Variants in CCDC181 observed in about 807,000 individuals in gnomAD.
CCDC181 encodes the protein coiled-coil domain-containing protein 181.
In CCDC181, 35 loss-of-function variants were observed where a neutral mutation model predicts 58.7. That is an observed-to-expected ratio of 0.60 (90% confidence interval 0.46 to 0.79). The LOEUF is 0.79. CCDC181 is among the 30% of genes least tolerant of loss of function. The pLI, the probability that CCDC181 is intolerant of heterozygous loss-of-function variation, is 0.00. For missense variants in CCDC181, 517 were observed against 583.9 expected (o/e 0.89, Z 1.18); for synonymous variants, 183 against 197.5 (o/e 0.93, Z 0.62).
At chr1:169,399,165 T>G (rs1655209062) in intron 4 of CCDC181, among the ~76,000 whole-genome samples, 1 of 152,144 alleles carries the variant, frequency 6.6e-6, no homozygotes, top group Non-Finnish European at 1.5e-5. Flanking sequence ...GTGACACAGT[T>G]TATTCACCAT....
intron 2 of CCDC181, among the ~76,000 whole-genome samples, chr1:169,439,355 G>A (rs1657145523): frequency 6.6e-6 from 1 of 152,132 alleles, no homozygotes; most frequent in Non-Finnish European, 1.5e-5. Flanking sequence ...CCTGTGATAG[G>A]GCTACTGTTA....
chr1:169,427,995 A>G (rs908472128), upstream of CCDC181, among the ~76,000 whole-genome samples: 1 of 152,212 alleles, frequency 6.6e-6, no homozygotes, highest in Non-Finnish European at 1.5e-5. Context: ...AGTTGAGATG[A>G]TTTTAACAAC....
chr1:169,415,504 C>T (rs1265723853), intron 4 of CCDC181, among the ~76,000 whole-genome samples: 1 of 152,162 alleles, frequency 6.6e-6, no homozygotes, highest in Non-Finnish European at 1.5e-5. Context: ...AATTCTGATT[C>T]TCCCCCAAGC....
intron 4 of CCDC181, among the ~76,000 whole-genome samples, chr1:169,413,050 T>C (rs1175398383): frequency 2.0e-5 from 3 of 152,216 alleles, no homozygotes; most frequent in Admixed American, 6.5e-5. Context: ...AAAGAGCTTC[T>C]GCACAGCAAA....
chr1:169,435,246 T>C (rs1317744783), intron 2 of CCDC181, among the ~76,000 whole-genome samples: 1 of 152,100 alleles, frequency 6.6e-6, no homozygotes, highest in Non-Finnish European at 1.5e-5. Flanking sequence ...ATTGTATAAT[T>C]CCATTAATAT....
At chr1:169,457,267 G>T (rs994866588) in intron 2 of CCDC181, among the ~76,000 whole-genome samples, 1 of 152,020 alleles carries the variant, frequency 6.6e-6, no homozygotes, top group Non-Finnish European at 1.5e-5. Flanking sequence ...TGTATCTGTG[G>T]ATTCATGTTT....
At chr1:169,441,721 C>T (rs559744935) in intron 2 of CCDC181, among the ~76,000 whole-genome samples, 2 of 151,764 alleles carry the variant, frequency 1.3e-5, no homozygotes, top group East Asian at 3.9e-4. Context: ...GCTTTTTAAA[C>T]TCTGACGATA....
intron 1 of CCDC181, among the ~76,000 whole-genome samples, chr1:169,425,406 TC>T (rs1416508334): frequency 1.3e-5 from 2 of 152,150 alleles, no homozygotes; most frequent in African/African-American, 2.4e-5. Flanking sequence ...ATTGTTTTTT[TC>T]TAAACTATTC....
At chr1:169,420,851 G>T (rs1656419901) in intron 3 of CCDC181, among the ~76,000 whole-genome samples, 1 of 152,130 alleles carries the variant, frequency 6.6e-6, no homozygotes, top group South Asian at 2.1e-4. Flanking sequence ...GCATTTTGGA[G>T]ACATTTCGTT....
In CCDC181 at chr1:169,422,197, T is replaced by G. The variant is rs778400483; in HGVS notation, c.234A>C (p.Pro78=). The G allele has an allele frequency of 6.2e-7, 1 of 1,613,848 alleles. No homozygotes were observed. Among genetic ancestry groups the G allele is most frequent in the Non-Finnish European group, 8.5e-7 (1 of 1,179,858 alleles). ...GTACAGAAATGATGTCATTTCTTCT[T>G]GGTGAGACCTCATCCTGCAAAGATT... The part of the protein sequence containing the change: ...PDKSLQDEVS[P]RRNDIISVPG... The change falls in exon 3 of 6, where the codon CCA becomes CCC. Residue 78 remains proline (P), a synonymous_variant. Coordinates refer to ENST00000367806, the MANE Select transcript of CCDC181 (RefSeq NM_001300969.2).
rs534696614 is a variant in CCDC181, at chr1:169,459,662, T to C, written c.-24+135A>G. On this transcript the variant is annotated intron_variant, in intron 2 of 6. Coordinates refer to the CCDC181 transcript ENST00000545005. Reference sequence around the variant, plus strand: ...TAAAAACAGACCTTGAGGCCTATTGTTGGTTACTTGGATAATTTCCCACTA... The same window carrying C: ...TAAAAACAGACCTTGAGGCCTATTGCTGGTTACTTGGATAATTTCCCACTA... 5.3e-5 allele frequency: 8 copies of C among 152,212 alleles called. No homozygotes were observed. In the South Asian group the frequency reaches 1.7e-3, roughly 32 times the overall value. 9.4% of individuals were successfully genotyped at this position (152,212 alleles called of 1,614,324 possible).
intron 4 of CCDC181, among the ~76,000 whole-genome samples, chr1:169,399,015 A>T (rs1655203434): frequency 6.6e-6 from 1 of 152,222 alleles, no homozygotes; most frequent in African/African-American, 2.4e-5. Flanking sequence ...GTCAAAGTGA[A>T]GCTGTAGCAA....
chr1:169,408,322 G>A (rs1297881170), intron 4 of CCDC181, among the ~76,000 whole-genome samples: 2 of 152,186 alleles, frequency 1.3e-5, no homozygotes, highest in Non-Finnish European at 2.9e-5. Flanking sequence ...ACCACATCTC[G>A]GCAAAGCCAG....
chr1:169,455,173 G>A (rs914113552), intron 2 of CCDC181, among the ~76,000 whole-genome samples: 5 of 151,610 alleles, frequency 3.3e-5, no homozygotes, highest in Admixed American at 3.3e-4. Flanking sequence ...TCTATTGACA[G>A]GAAAATGAAT....
intron 2 of CCDC181, among the ~76,000 whole-genome samples, chr1:169,446,742 A>T (rs1243188056): frequency 2.0e-5 from 3 of 152,224 alleles, no homozygotes; most frequent in Non-Finnish European, 4.4e-5. Context: ...AGAAGAATGT[A>T]TGTAGGTTAT....
intron 3 of CCDC181, 48 bp from the exon 4 acceptor site, chr1:169,419,207 T>C: frequency 6.7e-7 from 1 of 1,485,160 alleles, no homozygotes; most frequent in Non-Finnish European, 9.0e-7. Context: ...AATAAAATTG[T>C]ATGAGTTATC....
intron 2 of CCDC181, among the ~76,000 whole-genome samples, chr1:169,457,941 T>A (rs1657722828): frequency 6.6e-6 from 1 of 152,186 alleles, no homozygotes; most frequent in Non-Finnish European, 1.5e-5. Flanking sequence ...CACCTATATA[T>A]AAATATTTAG....
rs1656497313 is a variant in CCDC181, at chr1:169,422,052, T to A, written c.379A>T (p.Ile127Phe). The change falls in exon 3 of 6, where the codon ATT becomes TTT. Residue 127 changes from isoleucine (I) to phenylalanine (F), a missense_variant. Physicochemically the swap from Ile to Phe is conservative, Grantham distance 21. Coordinates refer to ENST00000367806, the MANE Select transcript of CCDC181 (RefSeq NM_001300969.2). ...TTAGCTTGTACAATTTTCTCCATAA[T>A]ATATCTCCTTACTTCCTCATCCTCT... ...EEEDEEVRRYIMEKIVQANKL... is the reference protein window; with the variant it reads ...EEEDEEVRRYFMEKIVQANKL... 6.2e-7 allele frequency: 1 copy of A among 1,614,068 alleles called. No homozygotes were observed. The highest frequency in any genetic ancestry group is 1.1e-5 in the South Asian group (1 of 91,078).
upstream of CCDC181, among the ~76,000 whole-genome samples, chr1:169,428,538 G>A (rs952306833): frequency 6.6e-6 from 1 of 152,162 alleles, no homozygotes; most frequent in Admixed American, 6.5e-5. Context: ...GGGGGAACAG[G>A]TGGTGTTTGG....
Sources: gnomAD v4.1 joint callset for allele counts (sites outside exome capture counted in the v4.1 genomes callset) on GRCh38, gnomAD v4.1.1 for gene constraint, MANE v1.5 for transcripts, NCBI Gene and HGNC (gene_info 2026-07-23, HGNC 2026-07-21) for gene names.